Variants in SUMF1 observed in about 807,000 individuals in gnomAD.
SUMF1 encodes formylglycine-generating enzyme.
A neutral mutation model predicts 47.6 loss-of-function variants in SUMF1; 48 were observed. That is an observed-to-expected ratio of 1.01 (90% confidence interval 0.80 to 1.28). The LOEUF is 1.28. Ranked by LOEUF, SUMF1 falls within the 50% of genes most tolerant of loss-of-function variation. The pLI is 0.00. For missense variants in SUMF1, 571 were observed against 485.4 expected (o/e 1.18, Z -1.66); for synonymous variants, 230 against 192.1 (o/e 1.20, Z -1.63).
intron 8 of SUMF1, among the ~76,000 whole-genome samples, chr3:4,299,793 G>C (rs960423883): frequency 1.3e-5 from 2 of 152,192 alleles, no homozygotes; most frequent in African/African-American, 4.8e-5. Context: ...CTGGGTGACA[G>C]AGTGAGACTC....
chr3:4,049,075 G>A (rs1342362568), intron 9 of SUMF1, among the ~76,000 whole-genome samples: 1 of 152,122 alleles, frequency 6.6e-6, no homozygotes, highest in Non-Finnish European at 1.5e-5. Context: ...TGTCACAAAA[G>A]TGTATCAGTC....
At chr3:4,294,215 T>C (rs1422147924) in intron 8 of SUMF1, among the ~76,000 whole-genome samples, 5 of 152,280 alleles carry the variant, frequency 3.3e-5, no homozygotes, top group African/African-American at 7.2e-5. Context: ...TTAAATCAAA[T>C]TTAATTAAAA....
At chr3:4,214,418 G>A (rs919676805) in intron 8 of SUMF1, among the ~76,000 whole-genome samples, 2 of 152,208 alleles carry the variant, frequency 1.3e-5, no homozygotes, top group South Asian at 2.1e-4. Context: ...CTGTGTAAGG[G>A]AAATTTATAG....
intron 7 of SUMF1, among the ~76,000 whole-genome samples, chr3:4,387,057 C>T (rs1217152840): frequency 6.6e-6 from 1 of 151,780 alleles, no homozygotes; most frequent in East Asian, 1.9e-4. Flanking sequence ...CTGTAGTAAC[C>T]TTCTATTTTT....
rs140105347 is a variant in SUMF1, at chr3:4,419,845, G to C, written c.602+219C>G. On this transcript the variant is annotated intron_variant, in intron 4 of 8. Coordinates refer to ENST00000272902, the MANE Select transcript of SUMF1 (RefSeq NM_182760.4). ...CTCTTTGACAAGCCAAATGAGGAGAGAAAGAGGCCACTAATTAAGAGCTTT... is the reference window on the plus strand; with the variant it reads ...CTCTTTGACAAGCCAAATGAGGAGACAAAGAGGCCACTAATTAAGAGCTTT... Among the ~76,000 whole-genome samples, 182 of 152,344 alleles carry C rather than the reference G, an allele frequency of 1.2e-3. 4 individuals are homozygous for C. In the South Asian group the frequency reaches 0.036, roughly 30 times the overall value.
At chr3:4,357,791 A>G (rs543908334), downstream of SUMF1, among the ~76,000 whole-genome samples, 1 of 151,910 alleles carries the variant, frequency 6.6e-6, no homozygotes, top group South Asian at 2.1e-4. Context: ...TATTTTTAGT[A>G]GAGACGGGGT....
chr3:4,323,871 T>G (rs1009963364), intron 8 of SUMF1, among the ~76,000 whole-genome samples: 1 of 152,126 alleles, frequency 6.6e-6, no homozygotes, highest in East Asian at 1.9e-4. Context: ...GATAGATTAA[T>G]TAACCTGACA....
intron 9 of SUMF1, among the ~76,000 whole-genome samples, chr3:4,054,161 C>A (rs191290841): frequency 7.5e-6 from 1 of 132,598 alleles, no homozygotes; most frequent in Admixed American, 8.4e-5. Context: ...TGACACTCTG[C>A]AAGATAAATA....
At chr3:4,091,463 T>C (rs1334898604) in intron 8 of SUMF1, among the ~76,000 whole-genome samples, 1 of 152,136 alleles carries the variant, frequency 6.6e-6, no homozygotes, top group Non-Finnish European at 1.5e-5. Context: ...CCTTTAAAAA[T>C]GTATCACAGC....
At chr3:4,060,069 C>T (rs1424407384) in intron 9 of SUMF1, among the ~76,000 whole-genome samples, 1 of 152,064 alleles carries the variant, frequency 6.6e-6, no homozygotes, top group East Asian at 1.9e-4. Context: ...ATTATAAATG[C>T]AGAAGAAAGA....
intron 8 of SUMF1, among the ~76,000 whole-genome samples, chr3:4,270,795 G>T (rs147125395): frequency 3.3e-5 from 5 of 152,294 alleles, no homozygotes; most frequent in African/African-American, 9.6e-5. Context: ...TATTAACAAA[G>T]ATGAAGGGAA....
chr3:4,177,605 C>A (rs1335867898), intron 8 of SUMF1, among the ~76,000 whole-genome samples: 1 of 152,096 alleles, frequency 6.6e-6, no homozygotes, highest in African/African-American at 2.4e-5. Context: ...CTAAAATCAA[C>A]ACCCTAATAT....
intron 8 of SUMF1, among the ~76,000 whole-genome samples, chr3:4,081,044 T>G (rs1692549051): frequency 6.6e-6 from 1 of 152,186 alleles, no homozygotes; most frequent in Admixed American, 6.5e-5. Context: ...CATTAAGCGT[T>G]TAGCCCAGTG....
intron 8 of SUMF1, among the ~76,000 whole-genome samples, chr3:4,083,590 G>A (rs944089500): frequency 6.6e-6 from 1 of 152,092 alleles, no homozygotes; most frequent in Admixed American, 6.6e-5. Context: ...TTTGCAACTT[G>A]TTCCAAGGAA....
intron 8 of SUMF1, among the ~76,000 whole-genome samples, chr3:4,145,981 AGG>A (rs1694184678): frequency 6.6e-6 from 1 of 152,072 alleles, no homozygotes; most frequent in Admixed American, 6.5e-5. Context: ...GCTAACAGAG[AGG>A]GAAAATCCAC....
At chr3:4,388,400 T>C (rs1415801949) in intron 7 of SUMF1, among the ~76,000 whole-genome samples, 1 of 152,098 alleles carries the variant, frequency 6.6e-6, no homozygotes, top group Non-Finnish European at 1.5e-5. Context: ...CTTTGATTAA[T>C]GTTTACATAA....
chr3:4,456,454 G>GTTTTTT (rs775343012), intron 1 of SUMF1, among the ~76,000 whole-genome samples: 1 of 134,092 alleles, frequency 7.5e-6, no homozygotes, highest in Non-Finnish European at 1.6e-5. Flanking sequence ...GTTTTTCTTT[G>GTTTTTT]TTTTTTTTTT....
Position 4,362,112 on chromosome 3 carries a change from C to G in SUMF1, c.*32G>C. ...GCCCAATGTAGGTCAGACACGACTG[C>G]TCCTTGGACTGGGGAAGACTTTCCT... is the stretch of plus-strand genomic sequence containing the variant. On this transcript the variant is annotated 3_prime_UTR_variant, in exon 9 of 9. Transcript: ENST00000272902. 6.3e-7 allele frequency: 1 copy of G among 1,598,600 alleles called. No homozygotes were observed. Among genetic ancestry groups the G allele is most frequent in the Non-Finnish European group, 8.6e-7 (1 of 1,166,486 alleles).
intron 8 of SUMF1, among the ~76,000 whole-genome samples, chr3:4,263,526 C>G (rs1697127596): frequency 6.6e-6 from 1 of 152,088 alleles, no homozygotes. Flanking sequence ...TCCTAGTATA[C>G]CGAACCAAGA....
Sources: allele counts gnomAD v4.1 joint callset (sites outside exome capture counted in the v4.1 genomes callset), GRCh38; gene constraint gnomAD v4.1.1; transcripts MANE v1.5; gene names NCBI Gene and HGNC (gene_info 2026-07-23, HGNC 2026-07-21).